The following ADCY9 variants were observed in gnomAD, a reference collection of about 807,000 sequenced individuals.
ADCY9 encodes the protein adenylate cyclase 9, also known as adenylate cyclase type 9.
In ADCY9, 50 loss-of-function variants were observed where a neutral mutation model predicts 101.5. That is an observed-to-expected ratio of 0.49 (90% CI 0.39 to 0.62). The LOEUF (loss-of-function observed/expected upper bound fraction) is 0.62, where lower values mean the gene tolerates loss of function less well. Ranked by LOEUF, ADCY9 falls within the 20% of genes least tolerant of loss-of-function variation. ADCY9 has a pLI of 0.00. For missense variants in ADCY9, 1,662 were observed against 1,800.4 expected, an observed-to-expected ratio of 0.92 and a Z score of 1.39; for synonymous variants, 905 against 769.3, an observed-to-expected ratio of 1.18 and a Z score of -2.92.
chr16:4,091,380 C>G (rs562133068), intron 2 of ADCY9, among the ~76,000 whole-genome samples: 1 of 152,106 alleles, frequency 6.6e-6, no homozygotes, highest in African/African-American at 2.4e-5. Flanking sequence ...AGCCCAAGTT[C>G]CTCATTTTAA....
downstream of ADCY9, among the ~76,000 whole-genome samples, chr16:3,961,482 T>C (rs573119987): frequency 6.3e-4 from 95 of 151,440 alleles, no homozygotes; most frequent in African/African-American, 2.2e-3. Context: ...CCTCCATTCT[T>C]ACAAGACCCT....
At chr16:4,004,616 A>T (rs747289465) in intron 3 of ADCY9, among the ~76,000 whole-genome samples, 1 of 152,260 alleles carries the variant, frequency 6.6e-6, no homozygotes, top group Non-Finnish European at 1.5e-5. Context: ...TAATTACTAC[A>T]TGCCAGGCAC....
intron 6 of ADCY9, among the ~76,000 whole-genome samples, chr16:3,988,467 C>G (rs2056214374): frequency 2.9e-5 from 1 of 33,958 alleles, no homozygotes; most frequent in Admixed American, 4.1e-4. Flanking sequence ...CCTTCCAGGG[C>G]AGGTGTGGGG....
intron 5 of ADCY9, among the ~76,000 whole-genome samples, chr16:3,956,507 G>A (rs1276638376): frequency 1.8e-4 from 1 of 5,524 alleles, no homozygotes; most frequent in African/African-American, 5.1e-4. Context: ...TTTTTTTGGG[G>A]GGGGATGGAG....
intron 6 of ADCY9, 197 bp from the exon 7 acceptor site, chr16:3,983,637 T>A: frequency 1.8e-6 from 1 of 562,042 alleles, no homozygotes; most frequent in South Asian, 2.4e-5. Context: ...GAAGTTAAAC[T>A]TGCCCAGGGG....
At chr16:4,050,872 A>G (rs1206488109) in intron 2 of ADCY9, among the ~76,000 whole-genome samples, 1 of 152,190 alleles carries the variant, frequency 6.6e-6, no homozygotes, top group African/African-American at 2.4e-5. Context: ...GAAATGGCTG[A>G]TTCCAGGGCT....
chr16:3,954,464 T>A (rs2055897198), intron 5 of ADCY9, among the ~76,000 whole-genome samples: 1 of 152,206 alleles, frequency 6.6e-6, no homozygotes, highest in Middle Eastern at 3.4e-3. Context: ...GGCCCAGAAC[T>A]CCCAGCTCGC....
intron 2 of ADCY9, among the ~76,000 whole-genome samples, chr16:4,091,536 T>C (rs2056973775): frequency 6.6e-6 from 1 of 152,078 alleles, no homozygotes; most frequent in African/African-American, 2.4e-5. Flanking sequence ...CCATCCACAA[T>C]AGCCAAGAGG....
At chr16:4,002,996 A>G (rs1226118157) in intron 3 of ADCY9, among the ~76,000 whole-genome samples, 3 of 152,208 alleles carry the variant, frequency 2.0e-5, no homozygotes, top group Non-Finnish European at 4.4e-5. Context: ...GATTACAGGC[A>G]TGAGCCACTG....
At chr16:4,056,784 CG>C (rs2056740772) in intron 2 of ADCY9, among the ~76,000 whole-genome samples, 1 of 152,128 alleles carries the variant, frequency 6.6e-6, no homozygotes, top group Admixed American at 6.6e-5. Flanking sequence ...TGTTATAATT[CG>C]GCATGACGAT....
At chr16:3,993,296 A>G in intron 4 of ADCY9, 110 bp downstream of exon 4, 1 of 1,525,046 alleles carries the variant, frequency 6.6e-7, no homozygotes, top group Non-Finnish European at 8.9e-7. Flanking sequence ...GAGTGCTGTT[A>G]CCCAAGAGGA....
chr16:4,102,668 GC>G (rs1348220476), intron 2 of ADCY9, among the ~76,000 whole-genome samples: 16 of 151,126 alleles, frequency 1.1e-4, no homozygotes, highest in African/African-American at 3.6e-4. Context: ...CAGGTGATCC[GC>G]CCGCCTCGGC....
In ADCY9 at chr16:4,041,113, G is replaced by T. The variant is rs534780015; in HGVS notation, c.1694-33555C>A. On this transcript the variant is annotated intron_variant, in intron 2 of 10. Transcript: ENST00000294016. Reference sequence around the variant, plus strand: ...ACATTAAAGACCAGCAGGGTCATAAGACTTCCCAAGAAATGGCATATTCTA... The same window carrying T: ...ACATTAAAGACCAGCAGGGTCATAATACTTCCCAAGAAATGGCATATTCTA... Among the ~76,000 whole-genome samples the T allele has an allele frequency of 6.4e-4, 98 of 152,318 alleles. 2 individuals are homozygous for T. The South Asian group carries it at 0.02, about 31-fold the overall frequency.
chr16:3,973,022 G>A (rs1034634637), intron 10 of ADCY9, among the ~76,000 whole-genome samples: 16 of 152,130 alleles, frequency 1.1e-4, no homozygotes, highest in African/African-American at 1.4e-4. Flanking sequence ...TATAAATCTT[G>A]TACATATTTT....
chr16:4,042,766 A>G (rs184828496), intron 2 of ADCY9, among the ~76,000 whole-genome samples: 10 of 152,334 alleles, frequency 6.6e-5, no homozygotes, highest in Non-Finnish European at 1.3e-4. Context: ...CTGTGTTCCA[A>G]GAGGTTTTTA....
At chr16:4,083,041 A>G (rs147392964) in intron 2 of ADCY9, among the ~76,000 whole-genome samples, 234 of 152,336 alleles carry the variant, frequency 1.5e-3, no homozygotes, top group Middle Eastern at 3.4e-3. Flanking sequence ...CGTGGCAAAG[A>G]CAGCAGAGAG....
chr16:4,077,478 A>C (rs1382715149), intron 2 of ADCY9, among the ~76,000 whole-genome samples: 2 of 152,120 alleles, frequency 1.3e-5, no homozygotes, highest in African/African-American at 4.8e-5. Context: ...TGCACATTAC[A>C]TCATGCCTTC....
intron 2 of ADCY9, among the ~76,000 whole-genome samples, chr16:4,067,387 C>A (rs1369233701): frequency 6.6e-6 from 1 of 152,152 alleles, no homozygotes; most frequent in African/African-American, 2.4e-5. Context: ...TCTGAGTTGG[C>A]TGAGCAAGTT....
intron 7 of ADCY9, 75 bp from the exon 8 acceptor site, chr16:3,979,350 C>G: frequency 3.9e-6 from 6 of 1,532,218 alleles, no homozygotes; most frequent in Non-Finnish European, 5.3e-6. Context: ...GGTGCGAGGC[C>G]GCAGCCAGCG....
Sources: allele counts gnomAD v4.1 joint callset (sites outside exome capture counted in the v4.1 genomes callset), GRCh38; gene constraint gnomAD v4.1.1; transcripts MANE v1.5; gene names NCBI Gene and HGNC (gene_info 2026-07-23, HGNC 2026-07-21).